Variants in AGGF1 observed in about 807,000 individuals in gnomAD.
AGGF1 encodes angiogenic factor with G patch and FHA domains 1.
A neutral mutation model predicts 86.5 loss-of-function variants in AGGF1; 56 were observed. The observed-to-expected ratio is 0.65, with a 90% CI of 0.52 to 0.81. AGGF1 has a LOEUF of 0.81. Ranked by LOEUF, AGGF1 falls within the 30% of genes least tolerant of loss-of-function variation. The probability of loss-of-function intolerance (pLI) is 0.00; values close to 1 mark genes in which losing one functional copy is unlikely to be tolerated. For missense variants in AGGF1, 816 were observed against 850.9 expected (o/e 0.96, Z 0.51); for synonymous variants, 313 against 297.1 (o/e 1.05, Z -0.55).
rs540403264 is a variant in AGGF1, at chr5:77,033,563, A to G, written c.211-855A>G. 2.0e-5 allele frequency among the ~76,000 whole-genome samples: 3 copies of G among 152,350 alleles called. No individual in the cohort carries two copies. In the South Asian group the frequency reaches 6.2e-4, roughly 32 times the overall value. ...GATGAACTCTGTACTTGCATGAATC[A>G]GAGGAGCGCCTCAGATTTTTCACGA... On this transcript the variant is annotated intron_variant, in intron 1 of 13. Transcript: ENST00000312916.
In AGGF1 at chr5:77,030,758, C is replaced by T. The variant is rs1350942400; in HGVS notation, c.-9C>T. 1.1e-5 allele frequency: 17 copies of T among 1,563,390 alleles called. No homozygotes were observed. The highest frequency in any genetic ancestry group is 1.5e-5 in the Non-Finnish European group (17 of 1,161,292). ...CTCCGCGGCGACGAGCAGTCTCGCGCCGGAGCTCATGGCCTCGGAGGCGCC... is the reference window on the plus strand; with the variant it reads ...CTCCGCGGCGACGAGCAGTCTCGCGTCGGAGCTCATGGCCTCGGAGGCGCC... On this transcript the variant is annotated 5_prime_UTR_variant, in exon 1 of 14. Coordinates refer to ENST00000312916, the MANE Select transcript of AGGF1 (RefSeq NM_018046.5).
rs1334283232 is a variant in AGGF1 at position 77,030,555 on chromosome 5, AG to A, written c.-208del. 1 of 703,388 alleles carries A rather than the reference AG, an allele frequency of 1.4e-6. No homozygotes were observed. Among genetic ancestry groups the A allele is most frequent in the African/African-American group, 1.8e-5 (1 of 57,072 alleles). 43.6% of individuals were successfully genotyped at this position (703,388 alleles called of 1,614,324 possible). A position where few individuals can be genotyped will look rare whatever the true frequency, so the allele number is the denominator to read the frequency against. On this transcript the variant is annotated 5_prime_UTR_variant, in exon 1 of 14. Coordinates refer to ENST00000312916, the MANE Select transcript of AGGF1 (RefSeq NM_018046.5). Reference sequence around the variant, plus strand: ...GGTTTGCAGGCCGCGCACATCGGGCAGGGGCCATCCTCGGTCCCCTTGCTCG... The same window carrying A: ...GGTTTGCAGGCCGCGCACATCGGGCAGGGCCATCCTCGGTCCCCTTGCTCG...
chr5:77,063,847 A>ATGTAC lies in AGGF1; in HGVS notation c.*600_*604dup, dbSNP rs1747613573. 6.4e-6 allele frequency: 1 copy of ATGTAC among 156,202 alleles called. No individual in the cohort carries two copies. Among genetic ancestry groups the ATGTAC allele is most frequent in the South Asian group, 1.9e-4 (1 of 5,130 alleles). 9.7% of individuals were successfully genotyped at this position (156,202 alleles called of 1,614,324 possible). On this transcript the variant is annotated 3_prime_UTR_variant, in exon 14 of 14. Transcript: ENST00000312916. ...TTTCTTCTGTGAAGAATCTGTTGCT[A>ATGTAC]TGTACTGTATATTCAGCATTTATAT...
At chr5:77,050,041 A>G (rs1317823188) in intron 8 of AGGF1, among the ~76,000 whole-genome samples, 1 of 152,018 alleles carries the variant, frequency 6.6e-6, no homozygotes, top group East Asian at 1.9e-4. Context: ...TTTTTGGAAT[A>G]TAATTTCTCA....
chr5:77,055,710 C>A, intron 11 of AGGF1, 114 bp downstream of exon 11: 1 of 732,610 alleles, frequency 1.4e-6, no homozygotes, highest in Non-Finnish European at 2.2e-6. Flanking sequence ...AGTATGATTT[C>A]GTGATTTGTA....
intron 5 of AGGF1, among the ~76,000 whole-genome samples, chr5:77,042,612 T>G (rs868714755): frequency 0.016 from 281 of 17,298 alleles, 5 homozygotes; most frequent in East Asian, 0.04. Context: ...CTCCCGGACG[T>G]GGCGGCTGGC....
At chr5:77,044,141 G>A (rs1016558991) in intron 5 of AGGF1, among the ~76,000 whole-genome samples, 4 of 146,090 alleles carry the variant, frequency 2.7e-5, no homozygotes, top group Non-Finnish European at 4.5e-5. Context: ...GACGATGGGC[G>A]GCCAGGCAGA....
chr5:77,041,213 G>C (rs1747072716), intron 5 of AGGF1, among the ~76,000 whole-genome samples: 1 of 152,132 alleles, frequency 6.6e-6, no homozygotes, highest in South Asian at 2.1e-4. Context: ...TTTTCTGTTT[G>C]CTTTCAAGAT....
intron 8 of AGGF1, among the ~76,000 whole-genome samples, chr5:77,051,989 T>C (rs565652700): frequency 3.4e-4 from 52 of 152,226 alleles, no homozygotes; most frequent in Non-Finnish European, 6.2e-4. Context: ...GAAAGATTAG[T>C]CCTAACTATT....
chr5:77,060,128 T>C (rs951862858), intron 12 of AGGF1, among the ~76,000 whole-genome samples: 1 of 152,186 alleles, frequency 6.6e-6, no homozygotes, highest in Admixed American at 6.5e-5. Flanking sequence ...CGGCGTGAGC[T>C]ACCACGTCTG....
chr5:77,047,448 C>T (rs566206548), intron 6 of AGGF1, among the ~76,000 whole-genome samples: 7 of 152,246 alleles, frequency 4.6e-5, no homozygotes, highest in Non-Finnish European at 8.8e-5. Flanking sequence ...AACTAATCCC[C>T]CACAGATACC....
chr5:77,045,181 G>A (rs771165685), intron 5 of AGGF1, among the ~76,000 whole-genome samples: 5 of 152,120 alleles, frequency 3.3e-5, no homozygotes, highest in East Asian at 1.9e-4. Context: ...GTGAGAGTGC[G>A]TTAGAAACCA....
At chr5:77,041,781 C>CTTT (rs202243111) in intron 5 of AGGF1, among the ~76,000 whole-genome samples, 1 of 106,498 alleles carries the variant, frequency 9.4e-6, no homozygotes. Context: ...AAGACAAGAA[C>CTTT]TTTTTTTATT....
At position 77,059,730 on chromosome 5, in the gene AGGF1, G is replaced by C. The variant is rs1484766450; in HGVS notation, c.1831G>C (p.Ala611Pro). The C allele has an allele frequency of 1.2e-6, 2 of 1,613,750 alleles. No individual in the cohort carries two copies. Among genetic ancestry groups the C allele is most frequent in the Non-Finnish European group, 8.5e-7 (1 of 1,179,718 alleles). ...EGTFQRDDAP[A>P]SVHSEITDSN... ...AACTTTCCAAAGAGATGATGCTCCT[G>C]CATCTGTTCATTCGTAAGTTTTGAA... The change falls in exon 12 of 14, where the codon GCA (alanine) becomes CCA (proline). Residue 611 changes from alanine to proline, a missense_variant. By Grantham distance (27) the Ala-to-Pro change is conservative. Around this residue, in one of 3 missense-constraint regions of AGGF1, gnomAD observed 565 missense variants for 585.8 expected, o/e 0.96. Transcript: ENST00000312916.
chr5:77,063,075 A>G lies in AGGF1; in HGVS notation c.1968A>G (p.Thr656=). ...KTPIQLQLRR[T]HAGLGTGKPS... is the part of the protein sequence containing the mutation. ...AGATCCAGCTTCAGCTTCGGCGAAC[A>G]CATGCAGGCTTGGGGACAGGCAAAC... is the stretch of plus-strand genomic sequence containing the variant. Residue 656 remains threonine, a synonymous_variant, in exon 14 of 14, where the codon ACA becomes ACG. Transcript: ENST00000312916. 1.2e-6 allele frequency: 2 copies of G among 1,614,096 alleles called. No homozygotes were observed. Among genetic ancestry groups the G allele is most frequent in the Non-Finnish European group, 1.7e-6 (2 of 1,179,994 alleles).
chr5:77,041,055 T>C (rs1747068205), intron 5 of AGGF1, among the ~76,000 whole-genome samples: 1 of 152,232 alleles, frequency 6.6e-6, no homozygotes, highest in Non-Finnish European at 1.5e-5. Flanking sequence ...CAAAGAAAAA[T>C]TACTTGATAC....
intron 5 of AGGF1, among the ~76,000 whole-genome samples, chr5:77,043,540 C>T (rs1747176733): frequency 6.8e-6 from 1 of 146,006 alleles, no homozygotes; most frequent in African/African-American, 2.5e-5. Context: ...GGGGGCTGAC[C>T]CCCCCACCTC....
At chr5:77,032,512 C>G (rs1343356711) in intron 1 of AGGF1, among the ~76,000 whole-genome samples, 3 of 137,496 alleles carry the variant, frequency 2.2e-5, no homozygotes, top group Non-Finnish European at 4.5e-5. Flanking sequence ...TGCAGTGAGC[C>G]GAGATTGCGC....
chr5:77,047,254 T>C (rs1425474795), intron 6 of AGGF1, among the ~76,000 whole-genome samples: 1 of 152,222 alleles, frequency 6.6e-6, no homozygotes, highest in African/African-American at 2.4e-5. Context: ...ACACTTTTTT[T>C]CTTGTTATTG....
Sources: allele counts gnomAD v4.1 joint callset (sites outside exome capture counted in the v4.1 genomes callset), GRCh38; gene constraint gnomAD v4.1.1; regional missense constraint gnomAD v4.1.1; transcripts MANE v1.5; gene names NCBI Gene and HGNC (gene_info 2026-07-23, HGNC 2026-07-21).